LDAH: variants seen among roughly 807,000 people sequenced by gnomAD.
LDAH encodes the protein lipid droplet associated hydrolase.
LDAH carries 26 observed loss-of-function variants against 29.6 expected under a neutral mutation model. The ratio of observed to expected loss-of-function variants is 0.88; its 90% CI spans 0.64 to 1.22. The LOEUF is 1.22. LDAH is among the 50% of genes most tolerant of loss of function. The pLI, the probability that LDAH is intolerant of heterozygous loss-of-function variation, is 0.00. For synonymous variants in LDAH, 117 were observed against 133.0 expected (o/e 0.88, Z 0.83); for missense variants, 344 against 387.3 (o/e 0.89, Z 0.94).
At chr2:20,775,170 C>T (rs1210750253) in intron 3 of LDAH, among the ~76,000 whole-genome samples, 191 bp from the exon 4 acceptor site, 1 of 151,722 alleles carries the variant, frequency 6.6e-6, no homozygotes, top group Non-Finnish European at 1.5e-5. Flanking sequence ...ACATTATAAC[C>T]TTCACTTGAT....
At chr2:20,787,999 A>T (rs1302699585) in intron 3 of LDAH, among the ~76,000 whole-genome samples, 1 of 152,222 alleles carries the variant, frequency 6.6e-6, no homozygotes, top group South Asian at 2.1e-4. Flanking sequence ...CTTTAGGCTG[A>T]AAATGTTTAA....
chr2:20,683,414 T>C (rs1052825666), downstream of LDAH, among the ~76,000 whole-genome samples: 3 of 152,234 alleles, frequency 2.0e-5, no homozygotes, highest in African/African-American at 7.2e-5. Flanking sequence ...AACCTCTCCT[T>C]AAGGCCCACC....
At chr2:20,753,861 A>G (rs1426365054) in intron 4 of LDAH, among the ~76,000 whole-genome samples, 1 of 152,242 alleles carries the variant, frequency 6.6e-6, no homozygotes, top group Non-Finnish European at 1.5e-5. Context: ...AGTGGCTCCC[A>G]GTGGCCAAAT....
chr2:20,760,377 T>C (rs1446302302), intron 4 of LDAH, among the ~76,000 whole-genome samples: 4 of 152,222 alleles, frequency 2.6e-5, no homozygotes, highest in Admixed American at 2.6e-4. Context: ...TGCTATGTAA[T>C]AAATTACTAA....
At position 20,701,620 on chromosome 2, in the gene LDAH, T is replaced by C; in HGVS notation, c.736A>G (p.Met246Val). 6.2e-7 allele frequency: 1 copy of C among 1,614,084 alleles called. No homozygotes were observed. The highest frequency in any genetic ancestry group is 8.5e-7 in the Non-Finnish European group (1 of 1,179,994). Residue 246 changes from methionine to valine, a missense_variant, in exon 6 of 7, where the codon ATG becomes GTG. Coordinates refer to ENST00000237822, the MANE Select transcript of LDAH (RefSeq NM_021925.4). ...NAAYLGGQEM[M>V]EVVKRDDETI... ...TCGTCATCTCTCTTCACCACCTCCATCATTTCTTGGCCCCCAAGGTAGGCA... is the reference window on the plus strand; with the variant it reads ...TCGTCATCTCTCTTCACCACCTCCACCATTTCTTGGCCCCCAAGGTAGGCA...
At chr2:20,704,631 A>G (rs1291825579) in intron 5 of LDAH, among the ~76,000 whole-genome samples, 4 of 152,238 alleles carry the variant, frequency 2.6e-5, no homozygotes, top group African/African-American at 9.6e-5. Context: ...GAAAAGATAA[A>G]CAATAAAATA....
intron 4 of LDAH, among the ~76,000 whole-genome samples, chr2:20,768,614 CAG>C (rs1249156605): frequency 6.6e-6 from 1 of 152,188 alleles, no homozygotes; most frequent in African/African-American, 2.4e-5. Context: ...GCCTGTCAGG[CAG>C]AGTCGGTGGA....
At chr2:20,758,948 A>C (rs1339539317) in intron 4 of LDAH, among the ~76,000 whole-genome samples, 1 of 152,224 alleles carries the variant, frequency 6.6e-6, no homozygotes, top group African/African-American at 2.4e-5. Flanking sequence ...ATATGTCCTT[A>C]AGTTTTTATG....
chr2:20,720,422 T>A (rs1665565332), intron 5 of LDAH, among the ~76,000 whole-genome samples: 1 of 151,926 alleles, frequency 6.6e-6, no homozygotes, highest in Non-Finnish European at 1.5e-5. Context: ...ACAAAACAAG[T>A]TTTTCTTTAT....
At chr2:20,738,192 C>T (rs1477175109) in intron 5 of LDAH, among the ~76,000 whole-genome samples, 1 of 151,246 alleles carries the variant, frequency 6.6e-6, no homozygotes, top group African/African-American at 2.4e-5. Flanking sequence ...GCGGAGGTTG[C>T]AGTGAGCCGA....
At chr2:20,801,170 G>A in intron 2 of LDAH, 140 bp downstream of exon 2, 1 of 771,526 alleles carries the variant, frequency 1.3e-6, no homozygotes, top group Non-Finnish European at 2.0e-6. Context: ...AAAATATTAA[G>A]GGTGGTTGTT....
rs1238060924 is a variant in LDAH at position 20,813,061 on chromosome 2, C to G, written c.-3+9976G>C. ...GAATCCAGAAATGTCTGAAAGATTC[C>G]AGAGCTCATGTTCTTTATTTTTAAA... On this transcript the variant is annotated intron_variant, in intron 1 of 6. Coordinates refer to ENST00000237822, the MANE Select transcript of LDAH (RefSeq NM_021925.4). 3.9e-5 allele frequency among the ~76,000 whole-genome samples: 6 copies of G among 152,120 alleles called. No homozygotes were observed. In the East Asian group the frequency reaches 1.2e-3, roughly 29 times the overall value.
intron 4 of LDAH, among the ~76,000 whole-genome samples, chr2:20,758,313 T>G (rs1159544692): frequency 6.6e-6 from 1 of 152,204 alleles, no homozygotes; most frequent in Non-Finnish European, 1.5e-5. Flanking sequence ...ATCAAGATAT[T>G]AAATGACAAG....
chr2:20,743,982 A>G (rs2164720), intron 4 of LDAH, among the ~76,000 whole-genome samples: 25,596 of 151,438 alleles, frequency 0.17, 2,291 homozygotes, highest in African/African-American at 0.19. Context: ...GCCATGTTCA[A>G]TCTACTGATA....
intron 6 of LDAH, among the ~76,000 whole-genome samples, chr2:20,697,511 T>C (rs1663576898): frequency 6.6e-6 from 1 of 152,242 alleles, no homozygotes; most frequent in Non-Finnish European, 1.5e-5. Context: ...TGGCTGTTCA[T>C]AGCTGGCATA....
chr2:20,788,617 C>T (rs1402442678), intron 3 of LDAH, among the ~76,000 whole-genome samples: 4 of 152,008 alleles, frequency 2.6e-5, no homozygotes, highest in Non-Finnish European at 5.9e-5. Flanking sequence ...GCTCAATAAG[C>T]ACAAAAAGAT....
chr2:20,715,140 T>C (rs1176585515), intron 5 of LDAH, among the ~76,000 whole-genome samples: 8 of 152,196 alleles, frequency 5.3e-5, no homozygotes. Context: ...AATAAAATAC[T>C]GGCAAACCGA....
rs148744510 is a variant in LDAH at position 20,719,990 on chromosome 2, T to C, written c.704-18338A>G. Among the ~76,000 whole-genome samples, 28 of 152,246 alleles carry C rather than the reference T, an allele frequency of 1.8e-4. 1 individual carries two copies. The East Asian group carries it at 5.2e-3, about 28-fold the overall frequency. On this transcript the variant is annotated intron_variant, in intron 5 of 6. Transcript: ENST00000237822. ...ACCTCAATACCATAAGGGCAATATA[T>C]GACAGACTCACAGCTAATATCACAC...
chr2:20,704,726 T>C (rs867921624), intron 5 of LDAH, among the ~76,000 whole-genome samples: 3 of 152,218 alleles, frequency 2.0e-5, no homozygotes, highest in African/African-American at 7.2e-5. Context: ...CCCTTTCAAA[T>C]AGGTTATAGT....
Sources: allele counts gnomAD v4.1 joint callset (sites outside exome capture counted in the v4.1 genomes callset), GRCh38; gene constraint gnomAD v4.1.1; transcripts MANE v1.5; gene names NCBI Gene and HGNC (gene_info 2026-07-23, HGNC 2026-07-21).